Variants in COP1 observed in about 807,000 individuals in gnomAD.
COP1 encodes the protein E3 ubiquitin-protein ligase COP1.
Under a neutral mutation model 101.3 loss-of-function variants are expected in COP1, and 24 were observed. The ratio of observed to expected loss-of-function variants is 0.24; its 90% CI spans 0.17 to 0.33. The LOEUF (loss-of-function observed/expected upper bound fraction) is 0.33. COP1 is among the 10% of genes least tolerant of loss of function. COP1 has a pLI of 1.00. For synonymous variants in COP1, 347 were observed against 341.9 expected, an observed-to-expected ratio of 1.01 and a Z score of -0.17; for missense variants, 663 against 906.2, an observed-to-expected ratio of 0.73 and a Z score of 3.45.
Position 176,089,314 on chromosome 1 carries a change from C to CAACAAA in COP1, c.1027-3425_1027-3424insTTTGTT, listed in dbSNP as rs1183930992. On this transcript the variant is annotated intron_variant, in intron 9 of 19. Coordinates refer to ENST00000367669, the MANE Select transcript of COP1 (RefSeq NM_022457.7). ...TCTAAAACAATAACAACAACAACAACAACAACAACAACAATCTATTTAATA... is the reference window on the plus strand; with the variant it reads ...TCTAAAACAATAACAACAACAACAACAACAAAAACAACAACAACAATCTATTTAATA... Among the ~76,000 whole-genome samples, 260 of 151,732 alleles carry CAACAAA rather than the reference C, an allele frequency of 1.7e-3. 1 individual carries two copies. The highest frequency in any genetic ancestry group is 6.0e-3 in the African/African-American group (248 of 41,376).
At chr1:176,004,187 T>C (rs1313976457) in intron 15 of COP1, among the ~76,000 whole-genome samples, 2 of 151,096 alleles carry the variant, frequency 1.3e-5, no homozygotes, top group African/African-American at 2.4e-5. Context: ...CTTGTGATTT[T>C]TGTACATTGA....
intron 18 of COP1, among the ~76,000 whole-genome samples, chr1:175,956,964 TAAATA>T (rs1259130907): frequency 6.6e-6 from 1 of 151,764 alleles, no homozygotes; most frequent in East Asian, 1.9e-4. Context: ...AAAGTAAAAA[TAAATA>T]AATACATTTA....
chr1:176,060,286 T>C (rs921210752), intron 11 of COP1, among the ~76,000 whole-genome samples: 23 of 152,326 alleles, frequency 1.5e-4, no homozygotes, highest in African/African-American at 5.0e-4. Flanking sequence ...CAAGTGTTTA[T>C]TTTGTGATAA....
chr1:176,063,047 GTTTTTTT>G (rs34464104), intron 11 of COP1, among the ~76,000 whole-genome samples: 1 of 90,590 alleles, frequency 1.1e-5, no homozygotes, highest in Admixed American at 1.6e-4. Context: ...TTTTGAAAAT[GTTTTTTT>G]TTTTTTTTTT....
intron 11 of COP1, among the ~76,000 whole-genome samples, chr1:176,069,062 C>T (rs1676513738): frequency 6.6e-6 from 1 of 151,992 alleles, no homozygotes; most frequent in African/African-American, 2.4e-5. Context: ...GTGGCACGTG[C>T]TTGTAGTCCT....
chr1:176,023,604 G>T (rs1034965207), intron 15 of COP1, among the ~76,000 whole-genome samples: 28 of 151,676 alleles, frequency 1.8e-4, no homozygotes, highest in African/African-American at 6.1e-4. Flanking sequence ...TGTAATCCCA[G>T]CTACTTGGGA....
chr1:176,008,115 G>C (rs536896472), intron 15 of COP1, among the ~76,000 whole-genome samples: 1 of 152,156 alleles, frequency 6.6e-6, no homozygotes, highest in Non-Finnish European at 1.5e-5. Flanking sequence ...TTCCAGGTGC[G>C]TCCGTCACCC....
intron 15 of COP1, among the ~76,000 whole-genome samples, chr1:176,025,836 G>A (rs1314519500): frequency 2.6e-5 from 4 of 152,036 alleles, no homozygotes; most frequent in African/African-American, 9.7e-5. Flanking sequence ...GCTGCAGTGA[G>A]CTGTGATCGT....
intron 15 of COP1, 127 bp downstream of exon 15, chr1:176,027,445 T>G (rs1667869622): frequency 1.5e-6 from 1 of 680,056 alleles, no homozygotes. Context: ...ATACTTCTAA[T>G]TTAGAGCCTA....
intron 15 of COP1, among the ~76,000 whole-genome samples, chr1:176,020,621 G>A (rs1167897143): frequency 6.6e-6 from 1 of 152,192 alleles, no homozygotes; most frequent in African/African-American, 2.4e-5. Context: ...AGGCTGCAGT[G>A]ATCCAAGACT....
chr1:175,987,413 CT>C (rs1435459983), intron 17 of COP1, among the ~76,000 whole-genome samples: 2 of 152,070 alleles, frequency 1.3e-5, no homozygotes, highest in Non-Finnish European at 2.9e-5. Flanking sequence ...TTTGTCATTA[CT>C]TTTAATTACT....
intron 2 of COP1, 106 bp downstream of exon 2, chr1:176,184,525 CTG>C (rs1284595798): frequency 2.4e-6 from 2 of 841,266 alleles, no homozygotes; most frequent in Admixed American, 4.7e-5. Flanking sequence ...AAAAATATGA[CTG>C]TAACATAATC....
intron 14 of COP1, among the ~76,000 whole-genome samples, chr1:176,030,362 C>G (rs1420444798): frequency 6.6e-6 from 1 of 151,874 alleles, no homozygotes; most frequent in Non-Finnish European, 1.5e-5. Context: ...CAGCCTAGGC[C>G]CAAAGGTAAT....
chr1:176,073,006 T>C (rs1677283135), intron 11 of COP1, among the ~76,000 whole-genome samples: 1 of 152,212 alleles, frequency 6.6e-6, no homozygotes, highest in Non-Finnish European at 1.5e-5. Flanking sequence ...AATCCTTAAG[T>C]GAATAGAAGA....
At chr1:176,030,773 GTTAA>G (rs2149092127) in intron 14 of COP1, among the ~76,000 whole-genome samples, 1 of 152,264 alleles carries the variant, frequency 6.6e-6, no homozygotes, top group Non-Finnish European at 1.5e-5. Context: ...CAAAACAGGT[GTTAA>G]TTGTGTTCCC....
chr1:176,046,438 A>G (rs1671534135), intron 11 of COP1, 114 bp from the exon 12 acceptor site: 5 of 891,420 alleles, frequency 5.6e-6, no homozygotes, highest in Non-Finnish European at 8.6e-6. Context: ...AAATTGTACT[A>G]GACCTCATAT....
rs1557879320 is a variant in COP1 at position 175,998,009 on chromosome 1, A to AACAGTGATAGACTGGAT, written c.1730-8531_1730-8530insATCCAGTCTATCACTGT. ...AGACTTGGAGCCAACCCAAAAGTCCATATGTAACTAACCTGCACAATGTGC... is the reference window on the plus strand; with the variant it reads ...AGACTTGGAGCCAACCCAAAAGTCCAACAGTGATAGACTGGATTATGTAACTAACCTGCACAATGTGC... On this transcript the variant is annotated intron_variant, in intron 15 of 19. Coordinates refer to ENST00000367669, the MANE Select transcript of COP1 (RefSeq NM_022457.7). Among the ~76,000 whole-genome samples, 39 of 148,804 alleles carry AACAGTGATAGACTGGAT rather than the reference A, an allele frequency of 2.6e-4. 1 individual carries two copies. The highest frequency in any genetic ancestry group is 8.7e-4 in the African/African-American group (35 of 40,140).
intron 18 of COP1, among the ~76,000 whole-genome samples, chr1:175,977,563 A>C (rs116646124): frequency 1.3e-5 from 2 of 152,160 alleles, no homozygotes; most frequent in Non-Finnish European, 2.9e-5. Flanking sequence ...AAATAATGGA[A>C]TAAGAGATAA....
At chr1:176,065,737 T>C (rs1675833429) in intron 11 of COP1, among the ~76,000 whole-genome samples, 1 of 146,242 alleles carries the variant, frequency 6.8e-6, no homozygotes, top group Non-Finnish European at 1.5e-5. Context: ...AGACGGAGTC[T>C]TGCTCCGTTG....
Sources: gnomAD v4.1 joint callset for allele counts (sites outside exome capture counted in the v4.1 genomes callset) on GRCh38, gnomAD v4.1.1 for gene constraint, MANE v1.5 for transcripts, NCBI Gene and HGNC (gene_info 2026-07-23, HGNC 2026-07-21) for gene names.